Variants in CPSF1 observed in about 807,000 individuals in gnomAD.
CPSF1 encodes the protein cleavage and polyadenylation specific factor 1.
A neutral mutation model predicts 175.8 loss-of-function variants in CPSF1; 106 were observed. That is an observed-to-expected ratio of 0.60 (90% CI 0.52 to 0.71). The LOEUF is 0.71. CPSF1 is among the 30% of genes least tolerant of loss of function. CPSF1 has a pLI of 0.00. For synonymous variants in CPSF1, 1,024 were observed against 858.3 expected, an observed-to-expected ratio of 1.19 and a Z score of -3.37; for missense variants, 1,734 against 2,022.9, an observed-to-expected ratio of 0.86 and a Z score of 2.74.
Position 144,399,748 on chromosome 8 carries a change from T to C in CPSF1, c.1119+33A>G. 1 of 1,597,312 alleles carries C rather than the reference T, an allele frequency of 6.3e-7. No homozygotes were observed. Among genetic ancestry groups the C allele is most frequent in the Non-Finnish European group, 8.5e-7 (1 of 1,172,422 alleles). Reference sequence around the variant, plus strand: ...AGGTGTGTGATGGCTGGGCCGGGTCTGGACCCAGACCCAACCCCTAGTCCC... The same window carrying C: ...AGGTGTGTGATGGCTGGGCCGGGTCCGGACCCAGACCCAACCCCTAGTCCC... On this transcript the variant is annotated intron_variant, in intron 11 of 37. Coordinates refer to ENST00000616140, the MANE Select transcript of CPSF1 (RefSeq NM_013291.3). The surrounding 1 kb of genome is among the most constrained non-coding windows in gnomAD (Gnocchi z 6.4).
intron 4 of CPSF1, 21 bp downstream of exon 4, chr8:144,401,409 C>G: frequency 6.2e-7 from 1 of 1,613,670 alleles, no homozygotes; most frequent in Non-Finnish European, 8.5e-7. Context: ...CCAGGCCTAC[C>G]CCACCAAGCC....
At position 144,397,334 on chromosome 8, in the gene CPSF1, G is replaced by T; in HGVS notation, c.2465C>A (p.Ser822Tyr). The change falls in exon 23 of 38, where the codon TCC (serine) becomes TAC (tyrosine). Residue 822 changes from serine to tyrosine, a missense_variant. This residue lies in a region of CPSF1 where 585 missense variants were observed against 584.7 expected (regional missense o/e 1.00). Transcript: ENST00000616140. ...PVGQRVLVDS[S>Y]FGQPTTQGEA... Reference sequence around the variant, plus strand: ...GCCCTGTGTAGTGGGCTGTCCAAAGGAGCTGTCCACAAGGACCCGCTGCCC... The same window carrying T: ...GCCCTGTGTAGTGGGCTGTCCAAAGTAGCTGTCCACAAGGACCCGCTGCCC... 1 of 1,559,354 alleles carries T rather than the reference G, an allele frequency of 6.4e-7. No individual in the cohort carries two copies. Among genetic ancestry groups the T allele is most frequent in the Non-Finnish European group, 8.7e-7 (1 of 1,152,220 alleles).
At position 144,399,029 on chromosome 8, in the gene CPSF1, T is replaced by A. The variant is rs2116857317; in HGVS notation, c.1477A>T (p.Ser493Cys). 6.2e-7 allele frequency: 1 copy of A among 1,600,068 alleles called. No individual in the cohort carries two copies. Among genetic ancestry groups the A allele is most frequent in the South Asian group, 1.1e-5 (1 of 89,756 alleles). The change falls in exon 16 of 38, where the codon AGC becomes TGC. Residue 493 changes from serine (S) to cysteine (C), a missense_variant. Ser to Cys is a moderately radical substitution (Grantham distance 112). Transcript: ENST00000616140. This position sits in a 1 kb window ranked among gnomAD's most constrained non-coding sequence, Gnocchi z 6.4. ...PAFLSEEFQN[S>C]PEPDLEIVVC... ...ACAATCTCCAGGTCCGGCTCGGGGC[T>A]GTTCTGAAACTGCACAGGACTCGGG... is the stretch of plus-strand genomic sequence containing the variant.
At position 144,393,585 on chromosome 8, in the gene CPSF1, A is replaced by G; in HGVS notation, c.4151T>C (p.Leu1384Pro). 1 of 1,604,314 alleles carries G rather than the reference A, an allele frequency of 6.2e-7. No homozygotes were observed. The highest frequency in any genetic ancestry group is 1.1e-5 in the South Asian group (1 of 89,254). The part of the protein sequence containing the change: ...AGLNPRAFRM[L>P]HVDRRTLQNA... ...CTGGAGGGTGCGGCGGTCCACGTGC[A>G]GCATCCTGGGGCGTACAGGCACAGG... The change falls in exon 37 of 38, where the codon CTG becomes CCG. Residue 1384 changes from leucine (L) to proline (P), a missense_variant. Coordinates refer to ENST00000616140, the MANE Select transcript of CPSF1 (RefSeq NM_013291.3).
Position 144,400,944 on chromosome 8 carries a change from G to A in CPSF1, c.519C>T (p.His173=), listed in dbSNP as rs2116879892. ...CTCACCCCTCACCCACGAGCCCCTC[G>A]TGCTCCTCAGCCAGGCTCTCCCTGC... ...PFRRESLAEE[H]EGLVGEGQRS... Residue 173 remains histidine, a synonymous_variant, in exon 6 of 38, where the codon CAC becomes CAT. Coordinates refer to ENST00000616140, the MANE Select transcript of CPSF1 (RefSeq NM_013291.3). The A allele has an allele frequency of 1.9e-5, 31 of 1,605,780 alleles. No homozygotes were observed. The highest frequency in any genetic ancestry group is 6.6e-5 in the South Asian group (6 of 90,526).
chr8:144,395,156 C>G lies in CPSF1; in HGVS notation c.3214G>C (p.Glu1072Gln). The change falls in exon 29 of 38, where the codon GAG becomes CAG. Residue 1072 changes from glutamate to glutamine, a missense_variant. Around this residue, in one of 10 missense-constraint regions of CPSF1, gnomAD observed 585 missense variants for 584.7 expected, o/e 1.00. Coordinates refer to ENST00000616140, the MANE Select transcript of CPSF1 (RefSeq NM_013291.3). ...GAGATGAGCTGGATGGAGAAGGCCT[C>G]CTGCTGGGGGTGGATGTACCGCTCA... ...RDERYIHPQQEAFSIQLISPV... is the reference protein window; with the variant it reads ...RDERYIHPQQQAFSIQLISPV... The G allele has an allele frequency of 6.2e-7, 1 of 1,612,704 alleles. No homozygotes were observed. The highest frequency in any genetic ancestry group is 1.1e-5 in the South Asian group (1 of 91,024).
intron 9 of CPSF1, 28 bp downstream of exon 9, chr8:144,400,138 C>CCT (rs1259813320): frequency 1.7e-6 from 2 of 1,185,568 alleles, no homozygotes; most frequent in East Asian, 2.6e-5. Context: ...TCCCCGGGCC[C>CCT]CCCCCGCCCC....
In CPSF1 at chr8:144,396,920, C is replaced by T. The variant is rs1554864071; in HGVS notation, c.2602G>A (p.Asp868Asn). The T allele has an allele frequency of 3.7e-6, 6 of 1,612,304 alleles. No homozygotes were observed. Among genetic ancestry groups the T allele is most frequent in the South Asian group, 1.1e-5 (1 of 90,958 alleles). The change falls in exon 24 of 38, where the codon GAC (aspartate) becomes AAC (asparagine). Residue 868 changes from aspartate to asparagine, a missense_variant. By Grantham distance (23) the Asp-to-Asn change is conservative. This residue lies in a region of CPSF1 where 585 missense variants were observed against 584.7 expected (regional missense o/e 1.00). Coordinates refer to ENST00000616140, the MANE Select transcript of CPSF1 (RefSeq NM_013291.3). ...GCCTCGTAGATAAGCAGCTCTTGGTCCACATGCACCTGGCAGGATGAGGGG... is the reference window on the plus strand; with the variant it reads ...GCCTCGTAGATAAGCAGCTCTTGGTTCACATGCACCTGGCAGGATGAGGGG... The part of the protein sequence containing the change: ...QSRPYLLVHV[D>N]QELLIYEAFP...
chr8:144,403,888 G>A lies in CPSF1; in HGVS notation c.145-2215C>T, dbSNP rs2116896326. Among the ~76,000 whole-genome samples, 3 of 151,714 alleles carry A rather than the reference G, an allele frequency of 2.0e-5. No homozygotes were observed. The East Asian group carries it at 5.9e-4, about 30-fold the overall frequency. On this transcript the variant is annotated intron_variant, in intron 2 of 37. Coordinates refer to ENST00000616140, the MANE Select transcript of CPSF1 (RefSeq NM_013291.3). ...AAAGGGTATCTACAAAAAGTCTACA[G>A]CAATGTGGTGCTGGGAGTGAAACAT...
chr8:144,404,801 A>G (rs1279406726), intron 2 of CPSF1, among the ~76,000 whole-genome samples: 1 of 151,788 alleles, frequency 6.6e-6, no homozygotes. Flanking sequence ...TCACGCCTGT[A>G]ATCCCAGCAC....
At position 144,397,671 on chromosome 8, in the gene CPSF1, A is replaced by G. The variant is rs1554864489; in HGVS notation, c.2211-10T>C. 1.6e-5 allele frequency: 24 copies of G among 1,544,310 alleles called. No individual in the cohort carries two copies. In the South Asian group the frequency reaches 2.4e-4, roughly 16 times the overall value. On this transcript the variant is annotated splice_polypyrimidine_tract_variant and intron_variant, in intron 21 of 37. Coordinates refer to ENST00000616140, the MANE Select transcript of CPSF1 (RefSeq NM_013291.3). ...GTCATCCACTGTGGGGCTGGGGGCCAGCAGAAGGTCATGGGCGGCCTGCCA... is the reference window on the plus strand; with the variant it reads ...GTCATCCACTGTGGGGCTGGGGGCCGGCAGAAGGTCATGGGCGGCCTGCCA...
intron 17 of CPSF1, 27 bp downstream of exon 17, chr8:144,398,752 G>A (rs2116854330): frequency 6.3e-7 from 1 of 1,589,772 alleles, no homozygotes; most frequent in African/African-American, 1.3e-5. Context: ...CCATCCCAGG[G>A]CCTCCCTGCA....
At chr8:144,407,311 G>A (rs934471237) in intron 2 of CPSF1, among the ~76,000 whole-genome samples, 9 of 151,858 alleles carry the variant, frequency 5.9e-5, no homozygotes, top group Non-Finnish European at 1.3e-4. Context: ...GACCTCCTGG[G>A]CTTGAGCGAT....
Position 144,396,938 on chromosome 8 carries a change from A to G in CPSF1, c.2593-9T>C. The stretch of plus-strand genomic sequence containing the variant: ...TCTTGGTCCACATGCACCTGGCAGG[A>G]TGAGGGGAGCCATGGGGGAACGGGC... On this transcript the variant is annotated splice_polypyrimidine_tract_variant and intron_variant, in intron 23 of 37. Coordinates refer to ENST00000616140, the MANE Select transcript of CPSF1 (RefSeq NM_013291.3). The G allele has an allele frequency of 1.2e-6, 2 of 1,603,960 alleles. No homozygotes were observed. Among genetic ancestry groups the G allele is most frequent in the Non-Finnish European group, 1.7e-6 (2 of 1,172,098 alleles).
rs2116894101 is a variant in CPSF1, at chr8:144,403,213, C to T, written c.145-1540G>A. On this transcript the variant is annotated intron_variant, in intron 2 of 37. Coordinates refer to ENST00000616140, the MANE Select transcript of CPSF1 (RefSeq NM_013291.3). Reference sequence around the variant, plus strand: ...CCAGGTTCAAGCGATTCTCCTGTCTCAGCCTCCTCAGTAGCTGGGATTATA... The same window carrying T: ...CCAGGTTCAAGCGATTCTCCTGTCTTAGCCTCCTCAGTAGCTGGGATTATA... Among the ~76,000 whole-genome samples the T allele has an allele frequency of 4.6e-5, 7 of 151,858 alleles. No homozygotes were observed. The South Asian group carries it at 8.3e-4, about 18-fold the overall frequency.
At position 144,393,877 on chromosome 8, in the gene CPSF1, A is replaced by G. The variant is rs375621365; in HGVS notation, c.4015+6T>C. On this transcript the variant is annotated splice_donor_region_variant and intron_variant, in intron 35 of 37. Coordinates refer to ENST00000616140, the MANE Select transcript of CPSF1 (RefSeq NM_013291.3). ...CACCCAGACACACCTGCTCCCCCAC[A>G]CTCACCAAACCACGTGATGTGCTTA... The G allele has an allele frequency of 5.6e-6, 9 of 1,607,136 alleles. No individual in the cohort carries two copies. Among genetic ancestry groups the G allele is most frequent in the Non-Finnish European group, 7.6e-6 (9 of 1,177,438 alleles).
rs149242649 is a variant in CPSF1, at chr8:144,399,671, G to A, written c.1159C>T (p.Arg387Cys). ...MEPGYLFLGS[R>C]LGNSLLLKYT... ...TTGAGGAGGAGGGAATTGCCCAGGCGAGAACCCAGGAACAGGTACCCGGGC... is the reference window on the plus strand; with the variant it reads ...TTGAGGAGGAGGGAATTGCCCAGGCAAGAACCCAGGAACAGGTACCCGGGC... Residue 387 changes from arginine to cysteine, a missense_variant, in exon 12 of 38, where the codon CGC becomes TGC. Arg to Cys is a radical substitution (Grantham distance 180, BLOSUM62 -3). Transcript: ENST00000616140. The surrounding 1 kb of genome is among the most constrained non-coding windows in gnomAD (Gnocchi z 6.4). The A allele has an allele frequency of 1.2e-5, 19 of 1,610,544 alleles. No homozygotes were observed. Among genetic ancestry groups the A allele is most frequent in the East Asian group, 2.2e-5 (1 of 44,726 alleles).
At chr8:144,394,853 G>C in intron 30 of CPSF1, 29 bp downstream of exon 30, 1 of 1,611,920 alleles carries the variant, frequency 6.2e-7, no homozygotes, top group Non-Finnish European at 8.5e-7. Flanking sequence ...GGGGCTGCCA[G>C]TTCCCGCCCC....
Position 144,400,028 on chromosome 8 carries a change from TAGG to T in CPSF1, c.992_994del (p.Ser331del). The T allele has an allele frequency of 1.2e-6, 2 of 1,610,438 alleles. No homozygotes were observed. The highest frequency in any genetic ancestry group is 1.7e-6 in the Non-Finnish European group (2 of 1,179,714). ...CTTGAGGGAGATGACCATCTTGTCG[TAGG>T]AGATGAAGGTGGCCTGGGCGCAGTC... On this transcript the variant is annotated inframe_deletion, in exon 10 of 38. Transcript: ENST00000616140.
Sources: gnomAD v4.1 joint callset for allele counts (sites outside exome capture counted in the v4.1 genomes callset) on GRCh38, gnomAD v4.1.1 for gene constraint, gnomAD v4.1.1 regional missense constraint, Gnocchi (gnomAD v3.1) non-coding constraint, MANE v1.5 for transcripts, NCBI Gene and HGNC (gene_info 2026-07-23, HGNC 2026-07-21) for gene names.